Variants in DCTN4 observed in about 807,000 individuals in gnomAD.
The protein encoded by DCTN4 is dynactin 4 (p62).
In DCTN4, 23 loss-of-function variants were observed where a neutral mutation model predicts 62.7. That is an observed-to-expected ratio of 0.37 (90% CI 0.26 to 0.52). The LOEUF is 0.52. Among genes scored for constraint, DCTN4 ranks in the 20% least tolerant of loss-of-function variants. The pLI, the probability that DCTN4 is intolerant of heterozygous loss-of-function variation, is 0.92. For missense variants in DCTN4, 514 were observed against 580.4 expected (o/e 0.89, Z 1.18); for synonymous variants, 199 against 202.1 (o/e 0.98, Z 0.13).
At chr5:150,741,479 C>A (rs1008823232) in intron 4 of DCTN4, among the ~76,000 whole-genome samples, 1 of 147,926 alleles carries the variant, frequency 6.8e-6, no homozygotes, top group African/African-American at 2.5e-5. Flanking sequence ...TTGTCTCTAC[C>A]GCATTCTTTT....
At chr5:150,743,211 TCTCA>T (rs1760834342) in intron 3 of DCTN4, 1 of 153,918 alleles carries the variant, frequency 6.5e-6, no homozygotes, top group South Asian at 2.1e-4. Flanking sequence ...GCCCACGGAG[TCTCA>T]CTGATTGCTA....
chr5:150,758,750 T>A (rs375358461), intron 1 of DCTN4, 109 bp downstream of exon 1: 50 of 1,483,594 alleles, frequency 3.4e-5, no homozygotes, highest in East Asian at 9.2e-5. Context: ...ACGGAAGACA[T>A]AACCAATCAG....
intron 12 of DCTN4, among the ~76,000 whole-genome samples, chr5:150,713,462 G>A (rs947105363): frequency 1.9e-4 from 13 of 66,906 alleles, no homozygotes; most frequent in African/African-American, 5.8e-4. Context: ...TTTTTTTTTT[G>A]AGACGGAGTC....
chr5:150,758,308 G>C (rs374816800), intron 1 of DCTN4: 2 of 985,728 alleles, frequency 2.0e-6, no homozygotes. Context: ...CTTCTTACAT[G>C]ACATACTGTA....
chr5:150,712,246 C>T (rs537810444), intron 12 of DCTN4, among the ~76,000 whole-genome samples: 20 of 151,858 alleles, frequency 1.3e-4, no homozygotes, highest in African/African-American at 3.6e-4. Context: ...TCTCCTGCCT[C>T]GGCCTCCTGA....
chr5:150,749,375 C>T (rs1199156933), intron 3 of DCTN4, among the ~76,000 whole-genome samples: 1 of 152,100 alleles, frequency 6.6e-6, no homozygotes, highest in Non-Finnish European at 1.5e-5. Context: ...TGAGAAAATG[C>T]AAATTAAAAC....
chr5:150,712,154 G>C (rs1224557096), intron 12 of DCTN4, among the ~76,000 whole-genome samples: 1 of 151,512 alleles, frequency 6.6e-6, no homozygotes, highest in African/African-American at 2.4e-5. Flanking sequence ...TTTTGAGATG[G>C]AGTCTCGCTC....
intron 1 of DCTN4, among the ~76,000 whole-genome samples, chr5:150,757,416 C>T (rs947256151): frequency 2.0e-5 from 3 of 152,134 alleles, no homozygotes. Flanking sequence ...CACTGCCTGC[C>T]CCAGCCCTCA....
At chr5:150,732,301 C>A (rs1291024548) in intron 5 of DCTN4, among the ~76,000 whole-genome samples, 1 of 152,182 alleles carries the variant, frequency 6.6e-6, no homozygotes, top group Non-Finnish European at 1.5e-5. Context: ...AGGCGTGCGC[C>A]ACCATGCCCA....
rs1424591672 is a variant in DCTN4 at position 150,709,370 on chromosome 5, T to C, written c.*1779A>G. 6.6e-6 allele frequency: 1 copy of C among 152,364 alleles called. No individual in the cohort carries two copies. The highest frequency in any genetic ancestry group is 1.5e-5 in the Non-Finnish European group (1 of 68,030). 9.4% of individuals were successfully genotyped at this position (152,364 alleles called of 1,614,324 possible). A position where few individuals can be genotyped will look rare whatever the true frequency, so the allele number is the denominator to read the frequency against. On this transcript the variant is annotated 3_prime_UTR_variant, in exon 13 of 13. Transcript: ENST00000447998. ...TAGTCTATGCAAACGTGTAAACATA[T>C]GAAGCTATTCTCTACTCTATGCCCA...
At chr5:150,744,306 A>G (rs1422933775) in intron 3 of DCTN4, among the ~76,000 whole-genome samples, 2 of 151,992 alleles carry the variant, frequency 1.3e-5, no homozygotes, top group African/African-American at 4.8e-5. Flanking sequence ...GACCAAATCT[A>G]CGTCTGATTG....
intron 3 of DCTN4, among the ~76,000 whole-genome samples, chr5:150,743,313 A>AG (rs1214492197): frequency 6.6e-6 from 1 of 152,170 alleles, no homozygotes; most frequent in African/African-American, 2.4e-5. Flanking sequence ...AGGTAAAAAA[A>AG]AGCAGCCACA....
chr5:150,712,502 A>T (rs1274465666), intron 12 of DCTN4, among the ~76,000 whole-genome samples: 2 of 152,162 alleles, frequency 1.3e-5, no homozygotes, highest in East Asian at 1.9e-4. Context: ...ATCATAGTTC[A>T]TGGTAGCCTT....
intron 8 of DCTN4, among the ~76,000 whole-genome samples, chr5:150,725,129 G>A (rs577768886): frequency 2.3e-5 from 3 of 132,250 alleles, no homozygotes; most frequent in Non-Finnish European, 3.0e-5. Flanking sequence ...CTGCACTCCA[G>A]CATGAGCAAC....
intron 3 of DCTN4, among the ~76,000 whole-genome samples, chr5:150,746,952 G>C (rs1189867690): frequency 6.6e-6 from 1 of 152,154 alleles, no homozygotes; most frequent in African/African-American, 2.4e-5. Context: ...AATCAGGCAG[G>C]AGAAGGAAAT....
At chr5:150,739,180 CAAAA>C (rs564417540) in intron 4 of DCTN4, among the ~76,000 whole-genome samples, 999 of 75,216 alleles carry the variant, frequency 0.013, 18 homozygotes, top group African/African-American at 0.043. Flanking sequence ...GATTTCATCT[CAAAA>C]AAAAAAAAAA....
intron 11 of DCTN4, among the ~76,000 whole-genome samples, chr5:150,716,435 G>T (rs982848040): frequency 3.9e-5 from 6 of 152,118 alleles, no homozygotes; most frequent in Non-Finnish European, 8.8e-5. Context: ...GCATTCTTCA[G>T]ACTTATGTTG....
At chr5:150,718,469 AT>A in intron 10 of DCTN4, 86 bp from the exon 11 acceptor site, 1 of 828,694 alleles carries the variant, frequency 1.2e-6, no homozygotes, top group Non-Finnish European at 2.0e-6. Context: ...CATCCCCGCC[AT>A]TACTCCTGGG....
chr5:150,715,543 G>C (rs773926176), intron 12 of DCTN4, 22 bp downstream of exon 12: 1 of 1,596,986 alleles, frequency 6.3e-7, no homozygotes, highest in Non-Finnish European at 8.6e-7. Flanking sequence ...TGTTGTATGG[G>C]GATCACAAAA....
Sources: allele counts gnomAD v4.1 joint callset (sites outside exome capture counted in the v4.1 genomes callset), GRCh38; gene constraint gnomAD v4.1.1; transcripts MANE v1.5; gene names NCBI Gene and HGNC (gene_info 2026-07-23, HGNC 2026-07-21).